The following SYTL5 variants were observed in gnomAD, a reference collection of about 807,000 sequenced individuals.
SYTL5 encodes the protein synaptotagmin-like protein 5.
In SYTL5, 34 loss-of-function variants were observed where a neutral mutation model predicts 55.9. The observed-to-expected ratio is 0.61, with a 90% confidence interval of 0.46 to 0.81. The LOEUF (loss-of-function observed/expected upper bound fraction) is 0.81. Ranked by LOEUF, SYTL5 falls within the 30% of genes least tolerant of loss-of-function variation. The pLI is 0.00. For missense variants in SYTL5, 637 were observed against 546.7 expected (o/e 1.17, Z -1.65); for synonymous variants, 221 against 188.7 (o/e 1.17, Z -1.40).
the SYTL5 span, among the ~76,000 whole-genome samples, chrX:37,900,117 GACACACACAC>G: frequency 2.8e-5 from 3 of 105,270 alleles, no homozygotes; most frequent in Non-Finnish European, 5.9e-5. Flanking sequence ...CACACACAAA[GACACACACAC>G]ACACACACAC....
At chrX:38,064,702 T>C (rs1001691226) in intron 3 of SYTL5, among the ~76,000 whole-genome samples, 2 of 111,513 alleles carry the variant, frequency 1.8e-5, no homozygotes, top group Non-Finnish European at 3.8e-5. Context: ...CCTTTCTGTG[T>C]CCATATGTTT....
Position 38,110,463 on chromosome X carries a change from G to A in SYTL5, c.1577G>A (p.Trp526Ter). Residue 526 changes from tryptophan to a stop codon, truncating the protein, a stop_gained, in exon 13 of 17, where the codon TGG (tryptophan) becomes TAG (stop). Transcript: ENST00000297875. LOFTEE classifies it high-confidence loss of function. The stretch of plus-strand genomic sequence containing the variant: ...AACTTTGAAAATCCAACTGATGAGT[G>A]GTTTGTGCTTCAACCCAAGGTAGGA... ...SWNFENPTDE[W>*]FVLQPKVEFA... The A allele has an allele frequency of 8.3e-7, 1 of 1,201,422 alleles. No individual in the cohort carries two copies.
chrX:37,961,435 A>AT, the SYTL5 span, among the ~76,000 whole-genome samples: 1 of 100,856 alleles, frequency 9.9e-6, no homozygotes, highest in Non-Finnish European at 2.0e-5. Context: ...ATTGTTATTT[A>AT]TTTTTATTTG....
intron 3 of SYTL5, among the ~76,000 whole-genome samples, chrX:38,060,242 C>A (rs1038206447): frequency 2.7e-5 from 3 of 111,589 alleles, no homozygotes; most frequent in Non-Finnish European, 3.8e-5. Flanking sequence ...TCACTCATAC[C>A]GCTCTCCTAC....
chrX:38,092,644 C>T (rs934306298), intron 7 of SYTL5, among the ~76,000 whole-genome samples: 3 of 111,353 alleles, frequency 2.7e-5, no homozygotes, highest in African/African-American at 9.8e-5. Context: ...CCACTCCACA[C>T]TGAGAGTAGG....
chrX:38,018,891 T>C (rs1263169217), intron 1 of SYTL5, among the ~76,000 whole-genome samples: 1 of 111,995 alleles, frequency 8.9e-6, no homozygotes, highest in African/African-American at 3.2e-5. Context: ...CTTTAGTTCC[T>C]AATCTCTCCC....
intron 2 of SYTL5, among the ~76,000 whole-genome samples, chrX:38,044,228 A>G (rs1935391663): frequency 8.9e-6 from 1 of 111,763 alleles, no homozygotes; most frequent in African/African-American, 3.2e-5. Context: ...TGTATCATGT[A>G]CTGATACTGA....
At chrX:37,999,701 G>A in the SYTL5 span, among the ~76,000 whole-genome samples, 1 of 111,939 alleles carries the variant, frequency 8.9e-6, no homozygotes, top group Admixed American at 9.4e-5. Context: ...TTATTTCAAA[G>A]GTCTTCTTGA....
At chrX:38,071,916 C>T (rs1174210232) in intron 3 of SYTL5, 131 bp from the exon 4 acceptor site, 1 of 465,661 alleles carries the variant, frequency 2.1e-6, no homozygotes, top group Non-Finnish European at 3.8e-6. Flanking sequence ...TTATTATCAC[C>T]ATAAAATACT....
chrX:38,004,531 C>T (rs1263303727), upstream of SYTL5, among the ~76,000 whole-genome samples: 1 of 111,635 alleles, frequency 9.0e-6, no homozygotes, highest in East Asian at 2.8e-4. Context: ...TATAAATGTC[C>T]ATCAACAGAT....
the SYTL5 span, among the ~76,000 whole-genome samples, chrX:37,987,900 T>C: frequency 8.9e-6 from 1 of 111,969 alleles, no homozygotes; most frequent in Non-Finnish European, 1.9e-5. Context: ...TGATAACGAA[T>C]ACTTTGTTTG....
chrX:37,945,921 C>A, the SYTL5 span: 1 of 173,348 alleles, frequency 5.8e-6, no homozygotes, highest in Non-Finnish European at 1.2e-5. Flanking sequence ...TGTAGTTCAG[C>A]ATTTGTAGCT....
At chrX:38,091,548 G>A (rs1936799933) in intron 7 of SYTL5, among the ~76,000 whole-genome samples, 1 of 111,335 alleles carries the variant, frequency 9.0e-6, no homozygotes, top group Admixed American at 9.5e-5. Context: ...GCCCTTCTAT[G>A]TCATGCACTA....
chrX:38,043,661 G>GTGTATATATATATATATATA (rs1285664433), intron 2 of SYTL5, among the ~76,000 whole-genome samples: 2 of 50,161 alleles, frequency 4.0e-5, no homozygotes, highest in East Asian at 8.1e-4. Flanking sequence ...ATGTATGTAT[G>GTGTATATATATATATATATA]TATATATATA....
chrX:38,087,389 C>T (rs913362770), intron 6 of SYTL5, among the ~76,000 whole-genome samples: 7 of 111,872 alleles, frequency 6.3e-5, no homozygotes, highest in African/African-American at 2.0e-4. Context: ...AAATGTCATG[C>T]TTCAGGTAGA....
chrX:38,006,995 C>A (rs1036545390), intron 1 of SYTL5, among the ~76,000 whole-genome samples: 2 of 111,036 alleles, frequency 1.8e-5, no homozygotes, highest in African/African-American at 6.5e-5. Context: ...ATTCTAGTGA[C>A]ATAAAAAAAT....
the SYTL5 span, among the ~76,000 whole-genome samples, chrX:37,941,379 C>T: frequency 3.6e-5 from 4 of 111,572 alleles, no homozygotes; most frequent in South Asian, 1.5e-3. Context: ...TTGACGTTAA[C>T]ATAATAATGA....
rs1937684918 is a variant in SYTL5 at position 38,127,471 on chromosome X, A to C, written c.*741A>C. On this transcript the variant is annotated 3_prime_UTR_variant, in exon 17 of 17. Transcript: ENST00000297875. ...TTTTATAAAATGTTCTAAGCCATTA[A>C]CTAAAAGGAAATGAGATATAATGGT... The C allele has an allele frequency of 8.9e-6, 1 of 111,909 alleles. No homozygotes were observed. Among genetic ancestry groups the C allele is most frequent in the South Asian group, 3.8e-4 (1 of 2,654 alleles). 9.2% of individuals were successfully genotyped at this position (111,909 alleles called of 1,213,427 possible). A position where few individuals can be genotyped will look rare whatever the true frequency, so the allele number is the denominator to read the frequency against.
chrX:37,991,621 G>A, the SYTL5 span, among the ~76,000 whole-genome samples: 4 of 111,279 alleles, frequency 3.6e-5, no homozygotes, highest in Non-Finnish European at 7.5e-5. Context: ...GCTGGGGCCT[G>A]AGGTGGAGCT....
Sources: allele counts gnomAD v4.1 joint callset (sites outside exome capture counted in the v4.1 genomes callset), GRCh38; gene constraint gnomAD v4.1.1; transcripts MANE v1.5; gene names NCBI Gene and HGNC (gene_info 2026-07-23, HGNC 2026-07-21).